The following LIPA variants were observed in gnomAD, a reference collection of about 807,000 sequenced individuals.
The protein encoded by LIPA is lysosomal acid lipase/cholesteryl ester hydrolase.
A neutral mutation model predicts 40.6 loss-of-function variants in LIPA; 26 were observed. The ratio of observed to expected loss-of-function variants is 0.64; its 90% CI spans 0.47 to 0.89. The LOEUF (loss-of-function observed/expected upper bound fraction) is 0.89. Among genes scored for constraint, LIPA ranks in the 40% least tolerant of loss-of-function variants. The pLI, the probability that LIPA is intolerant of heterozygous loss-of-function variation, is 0.00. For synonymous variants in LIPA, 188 were observed against 168.4 expected, an observed-to-expected ratio of 1.12 and a Z score of -0.90; for missense variants, 455 against 479.6, an observed-to-expected ratio of 0.95 and a Z score of 0.48.
chr10:89,263,370 A>G (rs1843220237), intron 1 of LIPA, among the ~76,000 whole-genome samples: 1 of 152,226 alleles, frequency 6.6e-6, no homozygotes, highest in African/African-American at 2.4e-5. Flanking sequence ...GGAAATTACC[A>G]GAGACCTTTT....
intron 1 of LIPA, among the ~76,000 whole-genome samples, chr10:89,280,855 T>C (rs1168462701): frequency 2.6e-5 from 4 of 152,218 alleles, no homozygotes; most frequent in Admixed American, 1.3e-4. Context: ...ATTTTGGAAT[T>C]CATGGCTGAA....
intron 1 of LIPA, among the ~76,000 whole-genome samples, chr10:89,291,757 T>C (rs545802376): frequency 1.2e-4 from 19 of 152,222 alleles, no homozygotes; most frequent in Non-Finnish European, 2.1e-4. Context: ...CAGGATACTG[T>C]TGTGGAAACA....
chr10:89,399,210 T>G (rs1421548351), intron 2 of LIPA, among the ~76,000 whole-genome samples: 3 of 152,216 alleles, frequency 2.0e-5, no homozygotes, highest in Non-Finnish European at 2.9e-5. Context: ...TGCCCATTTC[T>G]TAATCAGTTG....
At chr10:89,241,446 C>G (rs1019286344) in intron 3 of LIPA, among the ~76,000 whole-genome samples, 1 of 152,148 alleles carries the variant, frequency 6.6e-6, no homozygotes, top group Non-Finnish European at 1.5e-5. Flanking sequence ...CTATGTGTAG[C>G]CCGTTAGAGC....
intron 4 of LIPA, among the ~76,000 whole-genome samples, chr10:89,227,669 G>A (rs891089956): frequency 2.0e-5 from 3 of 152,200 alleles, no homozygotes; most frequent in Admixed American, 2.0e-4. Context: ...TTCATACAAG[G>A]TGCCAGGTTC....
intron 1 of LIPA, chr10:89,339,188 T>C: frequency 1.9e-6 from 3 of 1,614,174 alleles, no homozygotes; most frequent in Non-Finnish European, 2.5e-6. Flanking sequence ...GGACTGGCAA[T>C]TGCGATGTAC....
In LIPA at chr10:89,222,571, A is replaced by C; in HGVS notation, c.834T>G (p.Asp278Glu). 6.3e-7 allele frequency: 1 copy of C among 1,597,578 alleles called. No homozygotes were observed. Among genetic ancestry groups the C allele is most frequent in the African/African-American group, 1.3e-5 (1 of 74,766 alleles). The change falls in exon 8 of 10, where the codon GAT (aspartate) becomes GAG (glutamate). Residue 278 changes from aspartate to glutamate, a missense_variant. Asp to Glu is a conservative substitution (Grantham distance 45, BLOSUM62 2). Transcript: ENST00000336233. ...NERNLNMSRV[D>E]VYTTHSPAGT... is the part of the protein sequence containing the mutation. Reference sequence around the variant, plus strand: ...CAGCAGGAGAATGTGTTGTATATACATCCACTCTAGACTGCAAAATAAATA... The same window carrying C: ...CAGCAGGAGAATGTGTTGTATATACCTCCACTCTAGACTGCAAAATAAATA...
At chr10:89,358,457 C>G (rs899808307) in intron 2 of LIPA, among the ~76,000 whole-genome samples, 3 of 152,262 alleles carry the variant, frequency 2.0e-5, no homozygotes, top group African/African-American at 4.8e-5. Context: ...ATCAAGTTAT[C>G]AAAGCGATAT....
intron 2 of LIPA, among the ~76,000 whole-genome samples, chr10:89,357,769 G>A (rs1402762740): frequency 1.3e-5 from 2 of 152,084 alleles, no homozygotes; most frequent in Non-Finnish European, 2.9e-5. Context: ...TTTAAAGGTA[G>A]CTATGTTCAA....
In LIPA at chr10:89,228,264, C is replaced by T; in HGVS notation, c.364G>A (p.Gly122Arg). ...GFDVWMGNSR[G>R]NTWSRKHKTL... The stretch of plus-strand genomic sequence containing the variant: ...TTATGTTTCCGAGACCAGGTATTTC[C>T]TCTGCTGTTGCCCATCCACACGTCA... The change falls in exon 4 of 10, where the codon GGA (glycine) becomes AGA (arginine). Residue 122 changes from glycine (G) to arginine (R), a missense_variant. Transcript: ENST00000336233. The T allele has an allele frequency of 1.9e-6, 3 of 1,614,158 alleles. No homozygotes were observed. The highest frequency in any genetic ancestry group is 2.5e-6 in the Non-Finnish European group (3 of 1,180,030).
intron 2 of LIPA, among the ~76,000 whole-genome samples, chr10:89,351,518 A>G (rs1246134058): frequency 6.6e-6 from 1 of 152,222 alleles, no homozygotes; most frequent in Non-Finnish European, 1.5e-5. Flanking sequence ...AGTTCTGTCC[A>G]CAGAGCCTAT....
chr10:89,320,768 T>C (rs1433735064), intron 1 of LIPA, among the ~76,000 whole-genome samples: 1 of 152,228 alleles, frequency 6.6e-6, no homozygotes, highest in Admixed American at 6.5e-5. Context: ...AAGACAATCC[T>C]AAGCCAAAAG....
intron 1 of LIPA, chr10:89,340,113 A>T (rs1843838664): frequency 6.3e-7 from 1 of 1,597,242 alleles, no homozygotes; most frequent in Admixed American, 1.7e-5. Flanking sequence ...TCTCTAACTC[A>T]GAGCAACTGA....
At chr10:89,242,296 A>C (rs1002655111) in intron 3 of LIPA, among the ~76,000 whole-genome samples, 2 of 152,264 alleles carry the variant, frequency 1.3e-5, no homozygotes, top group Non-Finnish European at 2.9e-5. Context: ...AAGGGCTACT[A>C]CTGTGCAGAA....
chr10:89,320,524 C>T (rs1453862850), intron 1 of LIPA, among the ~76,000 whole-genome samples: 2 of 152,104 alleles, frequency 1.3e-5, no homozygotes, highest in Admixed American at 6.6e-5. Context: ...ATGTGAAGGA[C>T]CTCTTCAAGC....
intron 1 of LIPA, among the ~76,000 whole-genome samples, chr10:89,269,982 C>A (rs1843256819): frequency 6.6e-6 from 1 of 152,174 alleles, no homozygotes; most frequent in Admixed American, 6.5e-5. Flanking sequence ...ACCTTTACTC[C>A]AATTTCTTCC....
intron 1 of LIPA, among the ~76,000 whole-genome samples, chr10:89,264,733 T>C (rs568673391): frequency 1.3e-5 from 2 of 152,322 alleles, no homozygotes; most frequent in South Asian, 2.1e-4. Context: ...TGGGCGGCCA[T>C]GGGTGGGCCC....
At chr10:89,331,019 A>AG (rs11413148) in intron 1 of LIPA, among the ~76,000 whole-genome samples, 37,905 of 152,066 alleles carry the variant, frequency 0.25, 5,032 homozygotes, top group African/African-American at 0.32. Flanking sequence ...AGTTTATTCA[A>AG]CAAAAAGTTG....
chr10:89,383,605 T>C, intron 2 of LIPA: 1 of 1,614,214 alleles, frequency 6.2e-7, no homozygotes, highest in African/African-American at 1.3e-5. Flanking sequence ...TCTGGTGACC[T>C]GGGGCAACTT....
Sources: allele counts gnomAD v4.1 joint callset (sites outside exome capture counted in the v4.1 genomes callset), GRCh38; gene constraint gnomAD v4.1.1; transcripts MANE v1.5; gene names NCBI Gene and HGNC (gene_info 2026-07-23, HGNC 2026-07-21).